BIRC7: variants seen among roughly 807,000 people sequenced by gnomAD.
The protein encoded by BIRC7 is baculoviral IAP repeat-containing protein 7.
Under a neutral mutation model 33.2 loss-of-function variants are expected in BIRC7, and 26 were observed. The ratio of observed to expected loss-of-function variants is 0.78; its 90% CI spans 0.57 to 1.09. The LOEUF is 1.09. Among genes scored for constraint, BIRC7 ranks in the 50% least tolerant of loss-of-function variants. BIRC7 has a pLI of 0.00. For missense variants in BIRC7, 409 were observed against 401.2 expected (o/e 1.02, Z -0.17); for synonymous variants, 176 against 171.0 (o/e 1.03, Z -0.23).
chr20:63,239,442 G>A lies in BIRC7; in HGVS notation c.734G>A (p.Arg245Gln), dbSNP rs201155031. 46 of 1,606,598 alleles carry A rather than the reference G, an allele frequency of 2.9e-5. No homozygotes were observed. Among genetic ancestry groups the A allele is most frequent in the East Asian group, 1.3e-4 (6 of 44,878 alleles). Residue 245 changes from arginine (R) to glutamine (Q), a missense_variant, in exon 6 of 7, where the codon CGG (arginine) becomes CAG (glutamine). Physicochemically the swap from Arg to Gln is conservative, Grantham distance 43. Coordinates refer to ENST00000217169, the MANE Select transcript of BIRC7 (RefSeq NM_139317.3). ...GARDVEAQLRRLQEERTCKVC... is the reference protein window; with the variant it reads ...GARDVEAQLRQLQEERTCKVC... ...AGGGATGTGGAGGCGCAGCTGCGGC[G>A]GCTGCAGGAGGAGAGGACGTGCAAG...
At chr20:63,238,303 G>A in intron 2 of BIRC7, 93 bp from the exon 3 acceptor site, 2 of 1,456,018 alleles carry the variant, frequency 1.4e-6, no homozygotes, top group East Asian at 2.3e-5. Context: ...GTGGCGGGAG[G>A]AGGGGGCCCA....
chr20:63,238,937 G>A, intron 4 of BIRC7: 1 of 634,858 alleles, frequency 1.6e-6, no homozygotes, highest in South Asian at 1.9e-5. Context: ...GGCAGGATGT[G>A]CAGAGGGCAT....
chr20:63,239,300 T>C, intron 5 of BIRC7, 58 bp from the exon 6 acceptor site: 1 of 1,606,006 alleles, frequency 6.2e-7, no homozygotes, highest in Non-Finnish European at 8.5e-7. Flanking sequence ...CGACCTTCCA[T>C]GGCCCATAGA....
In BIRC7 at chr20:63,239,547, AGCTGTGCCCCATCTGCAGAGCCCCCGTC is replaced by A; in HGVS notation, c.840_867del (p.Gln280HisfsTer74). 6.2e-7 allele frequency: 1 copy of A among 1,603,546 alleles called. No homozygotes were observed. The highest frequency in any genetic ancestry group is 8.5e-7 in the Non-Finnish European group (1 of 1,179,694). ...TGTGCTGAGTGTGCCCCCGGCCTGC[AGCTGTGCCCCATCTGCAGAGCCCCCGTC>A]CGCAGCCGCGTGCGCACCTTCCTGT... On this transcript the variant is annotated frameshift_variant, in exon 6 of 7. Coordinates refer to ENST00000217169, the MANE Select transcript of BIRC7 (RefSeq NM_139317.3). LOFTEE classifies it low-confidence loss of function (END_TRUNC).
At chr20:63,239,097 G>A in intron 4 of BIRC7, 65 bp from the exon 5 acceptor site, 14 of 1,534,676 alleles carry the variant, frequency 9.1e-6, no homozygotes, top group Non-Finnish European at 1.2e-5. Context: ...CTGCAGACCT[G>A]TATCTGGGCC....
In BIRC7 at chr20:63,239,253, T is replaced by TG. The variant is rs3215649; in HGVS notation, c.649+23dup. ...AGCCAGGTGCAGGCCCGGGACCCCC[T>TG]GGGTGAGGGCTGGGGCAGGGGAGGG... On this transcript the variant is annotated intron_variant, in intron 5 of 6. Transcript: ENST00000217169. 0.64 allele frequency: 1,028,964 copies of TG among 1,610,816 alleles called. 331,318 individuals carry two copies. Among genetic ancestry groups the TG allele is most frequent in the East Asian group, 0.87 (38,766 of 44,808 alleles).
rs1316046019 is a variant in BIRC7, at chr20:63,239,199, G to T, written c.615G>T (p.Arg205Ser). Residue 205 changes from arginine to serine, a missense_variant, in exon 5 of 7, where the codon AGG (arginine) becomes AGT (serine). By Grantham distance (110) the Arg-to-Ser change is moderately radical. Coordinates refer to ENST00000217169, the MANE Select transcript of BIRC7 (RefSeq NM_139317.3). ...GGTACCCTGAGCTGCCCACACCCAG[G>T]AGAGAGGTCCAGTCTGAAAGTGCCC... Reference protein sequence around the residue: ...ASGYPELPTPRREVQSESAQE... With the variant: ...ASGYPELPTPSREVQSESAQE... 1.9e-6 allele frequency: 3 copies of T among 1,612,722 alleles called. No homozygotes were observed. Among genetic ancestry groups the T allele is most frequent in the Non-Finnish European group, 1.7e-6 (2 of 1,179,982 alleles).
At position 63,239,418 on chromosome 20, in the gene BIRC7, G is replaced by A. The variant is rs141418586; in HGVS notation, c.710G>A (p.Arg237Lys). ...TGGGTTCTTGAGCCCCCAGGAGCCA[G>A]GGATGTGGAGGCGCAGCTGCGGCGG... ...AWWVLEPPGA[R>K]DVEAQLRRLQ... The change falls in exon 6 of 7, where the codon AGG becomes AAG. Residue 237 changes from arginine (R) to lysine (K), a missense_variant. Physicochemically the swap from Arg to Lys is conservative, Grantham distance 26. Transcript: ENST00000217169. 1.9e-5 allele frequency: 31 copies of A among 1,606,166 alleles called. No individual in the cohort carries two copies. The African/African-American group carries it at 2.9e-4, about 15-fold the overall frequency.
chr20:63,237,228 G>C (rs2066695473), intron 1 of BIRC7, among the ~76,000 whole-genome samples: 1 of 152,212 alleles, frequency 6.6e-6, no homozygotes. Flanking sequence ...GTGGCGTGAA[G>C]GGGCAGGCCC....
intron 1 of BIRC7, among the ~76,000 whole-genome samples, chr20:63,236,831 A>G (rs1568695064): frequency 1.3e-5 from 2 of 152,224 alleles, no homozygotes; most frequent in Non-Finnish European, 2.9e-5. Context: ...TGTTTAAAGA[A>G]CAGGATCAGG....
intron 4 of BIRC7, 48 bp from the exon 5 acceptor site, chr20:63,239,114 G>C: frequency 6.3e-7 from 1 of 1,586,938 alleles, no homozygotes; most frequent in Non-Finnish European, 8.6e-7. Flanking sequence ...GGCCGGCCCA[G>C]CTTTCTCCTT....
chr20:63,240,299 CCT>C lies in BIRC7; in HGVS notation c.*54_*55del, dbSNP rs2066728254. 6.5e-6 allele frequency: 1 copy of C among 154,498 alleles called. No homozygotes were observed. Among genetic ancestry groups the C allele is most frequent in the Non-Finnish European group, 1.4e-5 (1 of 69,652 alleles). The allele number at this position is 154,498 out of a possible 1,614,324, so 9.6% of individuals were successfully genotyped here. A position where few individuals can be genotyped will look rare whatever the true frequency, so the allele number is the denominator to read the frequency against. ...TGGGCTGCAGAGTGGGCTCCCTGCC[CCT>C]CTCTGCCTGTTCTGGACTGTGTTCT... On this transcript the variant is annotated 3_prime_UTR_variant, in exon 7 of 7. Transcript: ENST00000217169.
chr20:63,235,943 C>T lies in BIRC7; in HGVS notation c.-154C>T. On this transcript the variant is annotated 5_prime_UTR_variant, in exon 1 of 7. Transcript: ENST00000217169. ...TGTGGGCCCTGGGATACTCCCCTCC[C>T]AGGGTGTCTGGTGGCAGGCCTGTGC... 1 of 968,538 alleles carries T rather than the reference C, an allele frequency of 1.0e-6. No individual in the cohort carries two copies. The highest frequency in any genetic ancestry group is 1.5e-6 in the Non-Finnish European group (1 of 682,966). The allele number at this position is 968,538 out of a possible 1,614,324, so 60.0% of individuals were successfully genotyped here. A position where few individuals can be genotyped will look rare whatever the true frequency, so the allele number is the denominator to read the frequency against.
intron 5 of BIRC7, 25 bp downstream of exon 5, chr20:63,239,258 G>A: frequency 6.2e-7 from 1 of 1,606,934 alleles, no homozygotes; most frequent in South Asian, 1.1e-5. Context: ...CCCCCTGGGT[G>A]AGGGCTGGGG....
At position 63,238,605 on chromosome 20, in the gene BIRC7, G is replaced by GC. The variant is rs753372481; in HGVS notation, c.573dup (p.Ser192LeufsTer9). 1 of 1,612,820 alleles carries GC rather than the reference G, an allele frequency of 6.2e-7. No homozygotes were observed. The highest frequency in any genetic ancestry group is 8.5e-7 in the Non-Finnish European group (1 of 1,179,956). The stretch of plus-strand genomic sequence containing the variant: ...AGAACCGGAAGACGCAGCCCCTGTG[G>GC]CCCCCTCCGGTGAGAGCTGACACCA... On this transcript the variant is annotated frameshift_variant, in exon 4 of 7. Transcript: ENST00000217169. LOFTEE classifies it high-confidence loss of function.
intron 1 of BIRC7, among the ~76,000 whole-genome samples, chr20:63,237,679 T>A (rs1288933693): frequency 6.6e-6 from 1 of 152,064 alleles, no homozygotes; most frequent in Non-Finnish European, 1.5e-5. Flanking sequence ...CTGAACATTC[T>A]CGCCCATCCT....
At position 63,236,179 on chromosome 20, in the gene BIRC7, A is replaced by T; in HGVS notation, c.83A>T (p.Glu28Val). Residue 28 changes from glutamate to valine, a missense_variant, in exon 1 of 7, where the codon GAG (glutamate) becomes GTG (valine). Glu to Val is a moderately radical substitution (Grantham distance 121). Transcript: ENST00000217169. ...GCAGCCGGTGATGGTCCCACGCAGGAGCGCTGTGGACCCCGCTCTCTGGGC... is the reference window on the plus strand; with the variant it reads ...GCAGCCGGTGATGGTCCCACGCAGGTGCGCTGTGGACCCCGCTCTCTGGGC... ...HWAAGDGPTQ[E>V]RCGPRSLGSP... is the part of the protein sequence containing the mutation. 6.3e-7 allele frequency: 1 copy of T among 1,590,442 alleles called. No individual in the cohort carries two copies. The highest frequency in any genetic ancestry group is 1.7e-4 in the Middle Eastern group (1 of 6,034).
rs143414559 is a variant in BIRC7, at chr20:63,236,144, G to A, written c.48G>A (p.Pro16=). 194 of 1,589,368 alleles carry A rather than the reference G, an allele frequency of 1.2e-4. No individual in the cohort carries two copies. In the African/African-American group the frequency reaches 2.2e-3, roughly 18 times the overall value. The change falls in exon 1 of 7, where the codon CCG becomes CCA. Residue 16 remains proline, a synonymous_variant. Transcript: ENST00000217169. ...AGTGCCTGCACCGTGGACCACAGCC[G>A]AGCCACTGGGCAGCCGGTGATGGTC... ...SAKCLHRGPQ[P]SHWAAGDGPT...
chr20:63,237,429 G>C (rs966517683), intron 1 of BIRC7, among the ~76,000 whole-genome samples: 1 of 152,138 alleles, frequency 6.6e-6, no homozygotes, highest in Non-Finnish European at 1.5e-5. Context: ...AGGAGGTAGA[G>C]AGATGACGGG....
Sources: gnomAD v4.1 joint callset for allele counts (sites outside exome capture counted in the v4.1 genomes callset) on GRCh38, gnomAD v4.1.1 for gene constraint, MANE v1.5 for transcripts, NCBI Gene and HGNC (gene_info 2026-07-23, HGNC 2026-07-21) for gene names.